Variants in CSE1L observed in about 807,000 individuals in gnomAD.
The protein encoded by CSE1L is exportin-2.
CSE1L carries 24 observed loss-of-function variants against 120.4 expected under a neutral mutation model. The ratio of observed to expected loss-of-function variants is 0.20; its 90% CI spans 0.14 to 0.28. The LOEUF (loss-of-function observed/expected upper bound fraction) is 0.28, where lower values mean the gene tolerates loss of function less well. Among genes scored for constraint, CSE1L ranks in the 10% least tolerant of loss-of-function variants. The pLI is 1.00. For missense variants in CSE1L, 830 were observed against 1,145.2 expected (o/e 0.72, Z 3.97); for synonymous variants, 402 against 398.3 (o/e 1.01, Z -0.11).
Position 49,072,391 on chromosome 20 carries a change from C to T in CSE1L, c.874C>T (p.Arg292Cys), listed in dbSNP as rs372508022. 79 of 1,614,036 alleles carry T rather than the reference C, an allele frequency of 4.9e-5. No individual in the cohort carries two copies. Among genetic ancestry groups the T allele is most frequent in the Non-Finnish European group, 6.4e-5 (76 of 1,180,042 alleles). ...TGAAGAATTCCAGCGATACCTGCCT[C>T]GTTTTGTTACAGCCATCTGGAATTT... ...YDEEFQRYLP[R>C]FVTAIWNLLV... is the part of the protein sequence containing the mutation. The change falls in exon 9 of 25, where the codon CGT becomes TGT. Residue 292 changes from arginine to cysteine, a missense_variant. Physicochemically the swap from Arg to Cys is radical, Grantham distance 180. Transcript: ENST00000262982.
intron 17 of CSE1L, 23 bp downstream of exon 17, chr20:49,088,129 T>C: frequency 1.3e-6 from 2 of 1,520,924 alleles, no homozygotes; most frequent in South Asian, 2.3e-5. Context: ...ATTTTGAAAG[T>C]GGGGTTCCTT....
chr20:49,067,090 C>T (rs1293824604), intron 5 of CSE1L, 100 bp from the exon 6 acceptor site: 129 of 468,862 alleles, frequency 2.8e-4, no homozygotes, highest in Middle Eastern at 3.7e-4. Context: ...TTCGGAAACC[C>T]ATCTATTCAT....
At chr20:49,047,222 T>C (rs1412086712) in intron 1 of CSE1L, among the ~76,000 whole-genome samples, 2 of 152,062 alleles carry the variant, frequency 1.3e-5, no homozygotes, top group East Asian at 3.8e-4. Flanking sequence ...TCACTGAGCC[T>C]CCATTTCCTT....
At chr20:49,088,421 G>GGATATAAAA in intron 17 of CSE1L, among the ~76,000 whole-genome samples, 1 of 152,224 alleles carries the variant, frequency 6.6e-6, no homozygotes, top group East Asian at 1.9e-4. Context: ...TGCACTAAAT[G>GGATATAAAA]GATATAAAAG....
intron 1 of CSE1L, 101 bp from the exon 2 acceptor site, chr20:49,058,352 G>A: frequency 1.4e-6 from 1 of 721,340 alleles, no homozygotes; most frequent in Non-Finnish European, 2.2e-6. Context: ...ACAGATGGAT[G>A]ACTTTCAGAG....
In CSE1L at chr20:49,068,817, T is replaced by A. The variant is rs1375078477; in HGVS notation, c.670T>A (p.Phe224Ile). 2 of 1,593,532 alleles carry A rather than the reference T, an allele frequency of 1.3e-6. No individual in the cohort carries two copies. The highest frequency in any genetic ancestry group is 1.7e-6 in the Non-Finnish European group (2 of 1,160,966). ...LISKLFYSLN[F>I]QDLPEFFEDN... ...CTCAAAATTGTTCTATAGTTTAAAC[T>A]TTCAGGTAAGTTCATTTGATTTCTT... The change falls in exon 7 of 25, where the codon TTT (phenylalanine) becomes ATT (isoleucine). Residue 224 changes from phenylalanine to isoleucine, a missense_variant. Coordinates refer to ENST00000262982, the MANE Select transcript of CSE1L (RefSeq NM_001316.4).
At chr20:49,095,358 A>G (rs773141013) in intron 24 of CSE1L, among the ~76,000 whole-genome samples, 1 of 151,866 alleles carries the variant, frequency 6.6e-6, no homozygotes, top group Non-Finnish European at 1.5e-5. Flanking sequence ...ACAGGGTCTC[A>G]CTCTTATCCA....
At chr20:49,088,223 C>T in intron 17 of CSE1L, 117 bp downstream of exon 17, 1 of 708,786 alleles carries the variant, frequency 1.4e-6, no homozygotes, top group Non-Finnish European at 2.4e-6. Flanking sequence ...TTCTTCCTGA[C>T]CAGCCACTAA....
At chr20:49,052,699 A>G (rs949602934) in intron 1 of CSE1L, among the ~76,000 whole-genome samples, 1 of 152,058 alleles carries the variant, frequency 6.6e-6, no homozygotes, top group Non-Finnish European at 1.5e-5. Context: ...CCTGATCACA[A>G]CTCACAGCAG....
At chr20:49,094,060 GAAGTAAC>G in intron 22 of CSE1L, 73 bp from the exon 23 acceptor site, 1 of 845,452 alleles carries the variant, frequency 1.2e-6, no homozygotes, top group Non-Finnish European at 1.8e-6. Context: ...ATATTCATAA[GAAGTAAC>G]TAACATCTAA....
intron 1 of CSE1L, among the ~76,000 whole-genome samples, chr20:49,049,611 C>A (rs1296629102): frequency 6.6e-6 from 1 of 152,082 alleles, no homozygotes; most frequent in Non-Finnish European, 1.5e-5. Context: ...AGAGCTTGAT[C>A]TTGTTGATAA....
chr20:49,061,096 A>C (rs2091848911), intron 2 of CSE1L, among the ~76,000 whole-genome samples: 1 of 152,302 alleles, frequency 6.6e-6, no homozygotes, highest in South Asian at 2.1e-4. Context: ...TCCTGGATAA[A>C]GGGAAGTTAA....
Position 49,094,164 on chromosome 20 carries a change from AATT to A in CSE1L, c.2479_2481del (p.Ile827del). ...GAATGTTTGGAATGGTTTTGGAAAA[AATT>A]ATTATTCCTGAAATTCAGAAGGTAT... On this transcript the variant is annotated inframe_deletion, in exon 23 of 25. Transcript: ENST00000262982. 1 of 1,581,818 alleles carries A rather than the reference AATT, an allele frequency of 6.3e-7. No individual in the cohort carries two copies. Among genetic ancestry groups the A allele is most frequent in the Non-Finnish European group, 8.6e-7 (1 of 1,156,098 alleles).
chr20:49,047,707 GCTGAGACTACAGGT>G (rs1014330133), intron 1 of CSE1L, among the ~76,000 whole-genome samples: 7 of 150,296 alleles, frequency 4.7e-5, no homozygotes, highest in African/African-American at 9.8e-5. Flanking sequence ...CTCCCGAATA[GCTGAGACTACAGGT>G]CTGAGACTAC....
intron 5 of CSE1L, among the ~76,000 whole-genome samples, chr20:49,066,899 G>T (rs928207189): frequency 6.6e-6 from 1 of 151,936 alleles, no homozygotes; most frequent in Non-Finnish European, 1.5e-5. Context: ...AGGCATGGTG[G>T]TATGTGCCTG....
chr20:49,077,973 T>C (rs1172589256), intron 13 of CSE1L, among the ~76,000 whole-genome samples: 1 of 152,086 alleles, frequency 6.6e-6, no homozygotes, highest in Non-Finnish European at 1.5e-5. Flanking sequence ...CACTGCACTC[T>C]AGCCTGGGAT....
intron 3 of CSE1L, among the ~76,000 whole-genome samples, chr20:49,063,976 A>T (rs1216492162): frequency 6.6e-6 from 1 of 152,236 alleles, no homozygotes; most frequent in East Asian, 1.9e-4. Flanking sequence ...ATTAAGAAAC[A>T]GGCATTTTTT....
intron 13 of CSE1L, 94 bp downstream of exon 13, chr20:49,077,158 T>TG: frequency 2.8e-6 from 2 of 713,042 alleles, no homozygotes; most frequent in East Asian, 2.9e-5. Context: ...TTGTTCTTTT[T>TG]TTTTTTTTTT....
chr20:49,084,774 C>T (rs1407850156), intron 15 of CSE1L, among the ~76,000 whole-genome samples: 1 of 152,062 alleles, frequency 6.6e-6, no homozygotes, highest in East Asian at 1.9e-4. Context: ...TTGAAATGAG[C>T]TTTGGGTAAG....
Sources: gnomAD v4.1 joint callset for allele counts (sites outside exome capture counted in the v4.1 genomes callset) on GRCh38, gnomAD v4.1.1 for gene constraint, MANE v1.5 for transcripts, NCBI Gene and HGNC (gene_info 2026-07-23, HGNC 2026-07-21) for gene names.